Variants in PIEZO2 observed in about 807,000 individuals in gnomAD.
The protein encoded by PIEZO2 is piezo type mechanosensitive ion channel component 2, also known as piezo-type mechanosensitive ion channel component 2.
In PIEZO2, 172 loss-of-function variants were observed where a neutral mutation model predicts 337.3. The ratio of observed to expected loss-of-function variants is 0.51; its 90% confidence interval spans 0.45 to 0.58. The LOEUF is 0.58. Ranked by LOEUF, PIEZO2 falls within the 20% of genes least tolerant of loss-of-function variation. PIEZO2 has a pLI of 0.00. For synonymous variants in PIEZO2, 1,251 were observed against 1,228.5 expected, an observed-to-expected ratio of 1.02 and a Z score of -0.38; for missense variants, 3,028 against 3,391.3, an observed-to-expected ratio of 0.89 and a Z score of 2.66.
rs1302789025 is a variant in PIEZO2 at position 11,105,679 on chromosome 18, G to GTGTCCTCT, written c.65-39465_65-39458dup. ...CTACAAAGCAATATTTCAACATCAC[G>GTGTCCTCT]TGTCCTCTGAAAGCCTGAGCTGGGG... On this transcript the variant is annotated intron_variant, in intron 1 of 55. Transcript: ENST00000674853. The surrounding 1 kb of genome is among the most constrained non-coding windows in gnomAD (Gnocchi z 4.3). 2.0e-5 allele frequency among the ~76,000 whole-genome samples: 3 copies of GTGTCCTCT among 152,128 alleles called. No homozygotes were observed. Among genetic ancestry groups the GTGTCCTCT allele is most frequent in the Non-Finnish European group, 4.4e-5 (3 of 68,040 alleles).
intron 2 of PIEZO2, among the ~76,000 whole-genome samples, chr18:11,005,077 C>A (rs903188757): frequency 1.3e-5 from 2 of 152,236 alleles, no homozygotes; most frequent in Non-Finnish European, 2.9e-5. Flanking sequence ...TTCAAGCCAA[C>A]AAGAAGTCCT....
intron 1 of PIEZO2, among the ~76,000 whole-genome samples, chr18:11,141,109 T>C (rs1335042315): frequency 6.6e-6 from 1 of 152,194 alleles, no homozygotes; most frequent in Non-Finnish European, 1.5e-5. Context: ...CAGACTAAGT[T>C]TGTCTTATCT....
At chr18:11,107,292 C>A (rs1427572072) in intron 1 of PIEZO2, among the ~76,000 whole-genome samples, 1 of 152,180 alleles carries the variant, frequency 6.6e-6, no homozygotes, top group African/African-American at 2.4e-5. Flanking sequence ...TTTAAAATAT[C>A]ATGATAAGCT....
At chr18:10,823,613 TA>T (rs1411197513) in intron 7 of PIEZO2, among the ~76,000 whole-genome samples, 1 of 152,220 alleles carries the variant, frequency 6.6e-6, no homozygotes, top group Non-Finnish European at 1.5e-5. Flanking sequence ...TGGCCTTCCT[TA>T]AATGGAAACA....
At chr18:10,827,214 T>C (rs2144509758) in intron 7 of PIEZO2, among the ~76,000 whole-genome samples, 1 of 152,314 alleles carries the variant, frequency 6.6e-6, no homozygotes, top group Non-Finnish European at 1.5e-5. Flanking sequence ...GCTCTTTATT[T>C]TTTTCTGAAA....
Position 10,773,486 on chromosome 18 carries a change from A to G in PIEZO2, c.2711T>C (p.Leu904Pro). The change falls in exon 20 of 56, where the codon CTT (leucine) becomes CCT (proline). Residue 904 changes from leucine (L) to proline (P), a missense_variant. Physicochemically the swap from Leu to Pro is moderately conservative, Grantham distance 98. This residue lies in a region of PIEZO2 where 1,925 missense variants were observed against 2,051.9 expected (regional missense o/e 0.94). Coordinates refer to ENST00000674853, the MANE Select transcript of PIEZO2 (RefSeq NM_001378183.1). The surrounding 1 kb of genome is among the most constrained non-coding windows in gnomAD (Gnocchi z 5.3). ...GYSEKAQKGD[L>P]GKDSEESEED... ...CTCTGACTCCTCGCTGTCTTTCCCA[A>G]GATCACCCTTCTGGGCTTTTTCAGA... The G allele has an allele frequency of 6.5e-7, 1 of 1,537,314 alleles. No homozygotes were observed. Among genetic ancestry groups the G allele is most frequent in the Non-Finnish European group, 8.7e-7 (1 of 1,146,936 alleles).
At position 10,797,386 on chromosome 18, in the gene PIEZO2, G is replaced by A. The variant is rs1442243226; in HGVS notation, c.1515C>T (p.Leu505=). The A allele has an allele frequency of 2.0e-6, 3 of 1,536,494 alleles. No individual in the cohort carries two copies. Among genetic ancestry groups the A allele is most frequent in the South Asian group, 1.2e-5 (1 of 83,944 alleles). The part of the protein sequence containing the change: ...FIMKQSYICA[L]IAMMAWSITY... ...ATATCATACATACCATCATAGCTAT[G>A]AGGGCACAGATGTAACTTTGTTTCA... is the stretch of plus-strand genomic sequence containing the variant. Residue 505 remains leucine, a synonymous_variant, in exon 12 of 56, where the codon CTC becomes CTT. Coordinates refer to ENST00000674853, the MANE Select transcript of PIEZO2 (RefSeq NM_001378183.1).
intron 3 of PIEZO2, among the ~76,000 whole-genome samples, chr18:10,965,676 C>A (rs2033967169): frequency 6.6e-6 from 1 of 152,092 alleles, no homozygotes; most frequent in South Asian, 2.1e-4. Context: ...AAATAAACAA[C>A]AGATTTATAT....
intron 1 of PIEZO2, among the ~76,000 whole-genome samples, chr18:11,086,423 G>T (rs976620209): frequency 1.3e-5 from 2 of 151,276 alleles, no homozygotes; most frequent in African/African-American, 2.4e-5. Flanking sequence ...GGAGGCTGAG[G>T]CAGGAGAATG....
chr18:11,042,821 T>C (rs2037172610), intron 2 of PIEZO2, among the ~76,000 whole-genome samples: 2 of 152,234 alleles, frequency 1.3e-5, no homozygotes, highest in Admixed American at 6.5e-5. Flanking sequence ...AATGTCAGTA[T>C]GTAACTCAAG....
rs947854422 is a variant in PIEZO2, at chr18:10,750,157, C to T, written c.4198G>A (p.Val1400Met). ...IGACGYIGTL[V>M]HNSCWLIQAF... ...TGGATCAACCAACAACTATTGTGCACCAATGTTCCAATGTATCCACATGCT... is the reference window on the plus strand; with the variant it reads ...TGGATCAACCAACAACTATTGTGCATCAATGTTCCAATGTATCCACATGCT... Residue 1400 changes from valine (V) to methionine (M), a missense_variant, in exon 29 of 56, where the codon GTG becomes ATG. By Grantham distance (21) the Val-to-Met change is conservative. This residue lies in a region of PIEZO2 where 1,925 missense variants were observed against 2,051.9 expected (regional missense o/e 0.94). Coordinates refer to ENST00000674853, the MANE Select transcript of PIEZO2 (RefSeq NM_001378183.1). This position sits in a 1 kb window ranked among gnomAD's most constrained non-coding sequence, Gnocchi z 4.1. 11 of 1,536,972 alleles carry T rather than the reference C, an allele frequency of 7.2e-6. No homozygotes were observed. Among genetic ancestry groups the T allele is most frequent in the Non-Finnish European group, 8.7e-6 (10 of 1,146,804 alleles).
intron 4 of PIEZO2, among the ~76,000 whole-genome samples, chr18:10,906,708 A>T (rs1054249566): frequency 6.6e-6 from 1 of 152,094 alleles, no homozygotes; most frequent in African/African-American, 2.4e-5. Context: ...CTACAGGCAC[A>T]TGCCGCCACG....
rs2040719656 is a variant in PIEZO2 at position 11,143,623 on chromosome 18, ACACACACACACACACACTCTCTCTCT to A, written c.64+4876_64+4901del. ...CTAACACACACACACACACACACAC[ACACACACACACACACACTCTCTCTCT>A]CTCTCTCTCTCTCTCTCTCTCTCAC... On this transcript the variant is annotated intron_variant, in intron 1 of 55. Transcript: ENST00000674853. The surrounding 1 kb of genome is among the most constrained non-coding windows in gnomAD (Gnocchi z 4.9). Among the ~76,000 whole-genome samples, 1 of 142,990 alleles carries A rather than the reference ACACACACACACACACACTCTCTCTCT, an allele frequency of 7.0e-6. No individual in the cohort carries two copies. Among genetic ancestry groups the A allele is most frequent in the African/African-American group, 2.8e-5 (1 of 35,428 alleles). The allele number at this position is 142,990 out of a possible 152,430, so 93.8% of individuals were successfully genotyped here. A position where few individuals can be genotyped will look rare whatever the true frequency, so the allele number is the denominator to read the frequency against.
chr18:10,705,790 C>T (rs754585855), intron 40 of PIEZO2, 44 bp from the exon 41 acceptor site: 47 of 1,471,042 alleles, frequency 3.2e-5, no homozygotes, highest in Non-Finnish European at 4.1e-5. Flanking sequence ...TCTTAGCATC[C>T]ACACTCCTGG....
At chr18:10,907,603 T>G (rs2030073632) in intron 4 of PIEZO2, among the ~76,000 whole-genome samples, 1 of 152,152 alleles carries the variant, frequency 6.6e-6, no homozygotes, top group Non-Finnish European at 1.5e-5. Context: ...AAACATTTGT[T>G]GTATTAAGCC....
At position 10,774,040 on chromosome 18, in the gene PIEZO2, TGC is replaced by T. The variant is rs2038699759; in HGVS notation, c.2535-4_2535-3del. ...TGGATTGGTAATTTTTTCTTGATGCTGCTCATAGTAATTGAAATAGAAAGGAA... is the reference window on the plus strand; with the variant it reads ...TGGATTGGTAATTTTTTCTTGATGCTTCATAGTAATTGAAATAGAAAGGAA... On this transcript the variant is annotated splice_region_variant and splice_polypyrimidine_tract_variant and intron_variant, in intron 18 of 55. Transcript: ENST00000674853. 1 of 702,918 alleles carries T rather than the reference TGC, an allele frequency of 1.4e-6. No individual in the cohort carries two copies. The highest frequency in any genetic ancestry group is 1.7e-5 in the African/African-American group (1 of 57,240). The allele number at this position is 702,918 out of a possible 1,614,324, so 43.5% of individuals were successfully genotyped here. A position where few individuals can be genotyped will look rare whatever the true frequency, so the allele number is the denominator to read the frequency against.
intron 20 of PIEZO2, among the ~76,000 whole-genome samples, chr18:10,771,323 C>T (rs1401994013): frequency 3.3e-5 from 5 of 152,208 alleles, no homozygotes; most frequent in Admixed American, 1.3e-4. Context: ...GAAACATGGT[C>T]AGATTCATTC....
chr18:11,134,127 C>A (rs1051970039), intron 1 of PIEZO2, among the ~76,000 whole-genome samples: 8 of 152,138 alleles, frequency 5.3e-5, no homozygotes, highest in Non-Finnish European at 1.2e-4. Context: ...AGAGAAGGGA[C>A]ATTACAGAGA....
chr18:10,793,379 T>A (rs1276895208), intron 13 of PIEZO2, among the ~76,000 whole-genome samples: 2 of 152,176 alleles, frequency 1.3e-5, no homozygotes, highest in Non-Finnish European at 2.9e-5. Context: ...TGCATTAAAA[T>A]ATAAGTGCAG....
Sources: allele counts gnomAD v4.1 joint callset (sites outside exome capture counted in the v4.1 genomes callset), GRCh38; gene constraint gnomAD v4.1.1; regional missense constraint gnomAD v4.1.1; non-coding constraint Gnocchi (gnomAD v3.1); transcripts MANE v1.5; gene names NCBI Gene and HGNC (gene_info 2026-07-23, HGNC 2026-07-21).